Variants in CENPH observed in about 807,000 individuals in gnomAD.
CENPH encodes the protein centromere protein H.
A neutral mutation model predicts 42.9 loss-of-function variants in CENPH; 40 were observed. The ratio of observed to expected loss-of-function variants is 0.93; its 90% CI spans 0.72 to 1.21. The LOEUF (loss-of-function observed/expected upper bound fraction) is 1.21, where lower values mean the gene tolerates loss of function less well. Among genes scored for constraint, CENPH ranks in the 50% most tolerant of loss-of-function variants. The probability of loss-of-function intolerance (pLI) is 0.00; values close to 1 mark genes in which losing one functional copy is unlikely to be tolerated. For synonymous variants in CENPH, 88 were observed against 96.5 expected (o/e 0.91, Z 0.52); for missense variants, 302 against 292.9 (o/e 1.03, Z -0.23).
intron 5 of CENPH, among the ~76,000 whole-genome samples, chr5:69,199,929 A>G (rs1176849837): frequency 6.6e-6 from 1 of 152,026 alleles, no homozygotes; most frequent in Non-Finnish European, 1.5e-5. Flanking sequence ...CCTGGCCAAC[A>G]TGGTAAAACC....
intron 3 of CENPH, among the ~76,000 whole-genome samples, chr5:69,194,918 CTTT>C (rs869047885): frequency 2.7e-4 from 37 of 135,994 alleles, no homozygotes; most frequent in Admixed American, 1.3e-3. Flanking sequence ...GACTTTCTTT[CTTT>C]TTTTTTTTTT....
chr5:69,200,418 C>G (rs989176942), intron 5 of CENPH, among the ~76,000 whole-genome samples: 6 of 152,192 alleles, frequency 3.9e-5, no homozygotes, highest in African/African-American at 1.4e-4. Flanking sequence ...AGCTTCCTCA[C>G]TCAACTCCCA....
chr5:69,208,002 C>T (rs1269061456), intron 7 of CENPH, 194 bp from the exon 8 acceptor site: 28 of 363,922 alleles, frequency 7.7e-5, no homozygotes, highest in Admixed American at 5.3e-4. Context: ...TTGCTAAGTA[C>T]GAAATTAAAA....
chr5:69,202,440 G>A lies in CENPH; in HGVS notation c.372-66G>A, dbSNP rs112993126. ...TTCACTCATTGATTCCTTCATTAAT[G>A]ACAGCTATTATTTTTAATTAAGTTA... On this transcript the variant is annotated intron_variant, in intron 5 of 8. Transcript: ENST00000283006. 9.0e-6 allele frequency: 8 copies of A among 884,716 alleles called. No homozygotes were observed. The Admixed American group carries it at 1.3e-4, about 14-fold the overall frequency. The allele number at this position is 884,716 out of a possible 1,614,324, so 54.8% of individuals were successfully genotyped here. A position where few individuals can be genotyped will look rare whatever the true frequency, so the allele number is the denominator to read the frequency against.
At position 69,202,971 on chromosome 5, in the gene CENPH, G is replaced by A. The variant is rs541394077; in HGVS notation, c.487+1G>A. On this transcript the variant is annotated splice_donor_variant, in intron 7 of 8. Coordinates refer to ENST00000283006, the MANE Select transcript of CENPH (RefSeq NM_022909.4). LOFTEE classifies it high-confidence loss of function. ...CTTGATATTAGAAAGAAGAGATTGC[G>A]TATGTAGAACACTTTTTTTTTGGCA... The A allele has an allele frequency of 3.9e-5, 61 of 1,581,718 alleles. No individual in the cohort carries two copies. Among genetic ancestry groups the A allele is most frequent in the African/African-American group, 1.5e-4 (11 of 73,900 alleles).
At chr5:69,203,893 G>C (rs1186797154) in intron 7 of CENPH, among the ~76,000 whole-genome samples, 1 of 149,664 alleles carries the variant, frequency 6.7e-6, no homozygotes, top group African/African-American at 2.5e-5. Context: ...CAAAAGTCAT[G>C]CCTCTTTTCT....
intron 6 of CENPH, 24 bp downstream of exon 6, chr5:69,202,593 T>A: frequency 1.5e-6 from 2 of 1,321,240 alleles, no homozygotes; most frequent in Non-Finnish European, 2.2e-6. Flanking sequence ...TTAGGCTGAT[T>A]ATGCATTCTC....
intron 5 of CENPH, among the ~76,000 whole-genome samples, chr5:69,200,832 G>C (rs1412295802): frequency 7.5e-6 from 1 of 133,824 alleles, no homozygotes; most frequent in African/African-American, 2.9e-5. Context: ...TCTGCCTCCA[G>C]GTTCAAGCGA....
intron 7 of CENPH, among the ~76,000 whole-genome samples, chr5:69,204,549 A>G (rs1233173870): frequency 6.7e-6 from 1 of 149,326 alleles, no homozygotes; most frequent in Non-Finnish European, 1.5e-5. Context: ...TTGGACTCCC[A>G]AAAGTGCTAG....
chr5:69,206,557 C>T (rs1432029970), intron 7 of CENPH, among the ~76,000 whole-genome samples: 11 of 152,000 alleles, frequency 7.2e-5, no homozygotes, highest in Admixed American at 3.3e-4. Context: ...GGCGTGATCT[C>T]GGCTCACTAC....
chr5:69,205,764 A>AG (rs1748146233), intron 7 of CENPH, among the ~76,000 whole-genome samples: 1 of 124,334 alleles, frequency 8.0e-6, no homozygotes, highest in African/African-American at 3.2e-5. Flanking sequence ...GCTGGAGTGC[A>AG]GTGGCACTAT....
chr5:69,192,788 C>A (rs1747897603), intron 2 of CENPH, among the ~76,000 whole-genome samples: 1 of 152,066 alleles, frequency 6.6e-6, no homozygotes, highest in Non-Finnish European at 1.5e-5. Flanking sequence ...AGTATTGATT[C>A]TTTTACCATT....
At position 69,189,646 on chromosome 5, in the gene CENPH, G is replaced by GC. The variant is rs1312784532; in HGVS notation, c.16dup (p.Gln6ProfsTer53). 75 of 1,601,772 alleles carry GC rather than the reference G, an allele frequency of 4.7e-5. No homozygotes were observed. The highest frequency in any genetic ancestry group is 6.3e-5 in the Non-Finnish European group (74 of 1,176,394). ...CCCCTCAACCAGCAATGGAGGAGCA[G>GC]CCCCAGATGCAAGACGCCGACGAGC... On this transcript the variant is annotated frameshift_variant, in exon 1 of 9. Transcript: ENST00000283006. LOFTEE classifies it high-confidence loss of function.
chr5:69,190,396 T>C (rs1168704308), intron 1 of CENPH, among the ~76,000 whole-genome samples: 1 of 152,178 alleles, frequency 6.6e-6, no homozygotes, highest in Non-Finnish European at 1.5e-5. Context: ...ACGTGAACTC[T>C]ATTAGAAATT....
At chr5:69,196,135 T>C (rs897677247) in intron 4 of CENPH, among the ~76,000 whole-genome samples, 4 of 151,982 alleles carry the variant, frequency 2.6e-5, no homozygotes, top group Non-Finnish European at 5.9e-5. Flanking sequence ...AGATGGGGTC[T>C]CACTGTGCCC....
intron 5 of CENPH, among the ~76,000 whole-genome samples, chr5:69,198,490 A>G (rs1455197587): frequency 6.6e-6 from 1 of 152,028 alleles, no homozygotes; most frequent in East Asian, 1.9e-4. Flanking sequence ...GGGTTTCACT[A>G]TGTTGGCCAG....
In CENPH at chr5:69,209,866, G is replaced by A; in HGVS notation, c.*67G>A. 1 of 874,072 alleles carries A rather than the reference G, an allele frequency of 1.1e-6. No individual in the cohort carries two copies. Among genetic ancestry groups the A allele is most frequent in the Non-Finnish European group, 1.9e-6 (1 of 527,770 alleles). 54.1% of individuals were successfully genotyped at this position (874,072 alleles called of 1,614,324 possible). On this transcript the variant is annotated 3_prime_UTR_variant, in exon 9 of 9. Coordinates refer to ENST00000283006, the MANE Select transcript of CENPH (RefSeq NM_022909.4). Reference sequence around the variant, plus strand: ...CAACTCTTATTTGGAATACTTCTGTGCATTTGTCTGTCCACCGTAATTTTA... The same window carrying A: ...CAACTCTTATTTGGAATACTTCTGTACATTTGTCTGTCCACCGTAATTTTA...
Position 69,209,058 on chromosome 5 carries a change from G to T in CENPH, c.652-649G>T, listed in dbSNP as rs1380221132. Among the ~76,000 whole-genome samples, 4 of 152,162 alleles carry T rather than the reference G, an allele frequency of 2.6e-5. No individual in the cohort carries two copies. In the East Asian group the frequency reaches 7.7e-4, roughly 29 times the overall value. ...GATCCACCTGCCTCAGCCTCCCAAA[G>T]TGCCGGGATTACAGGCTTGAGCCAC... On this transcript the variant is annotated intron_variant, in intron 8 of 8. Transcript: ENST00000283006.
At position 69,210,280 on chromosome 5, in the gene CENPH, T is replaced by TA. The variant is rs1177360214; in HGVS notation, c.*483dup. On this transcript the variant is annotated 3_prime_UTR_variant, in exon 9 of 9. Transcript: ENST00000283006. ...TACCGAAGTGCTAGGATTACAGACGTAAGCCACCGAGCCTGGTCTAGTTTG... is the reference window on the plus strand; with the variant it reads ...TACCGAAGTGCTAGGATTACAGACGTAAAGCCACCGAGCCTGGTCTAGTTTG... 6.6e-6 allele frequency: 1 copy of TA among 152,236 alleles called. No homozygotes were observed. Among genetic ancestry groups the TA allele is most frequent in the Non-Finnish European group, 1.5e-5 (1 of 68,048 alleles). The allele number at this position is 152,236 out of a possible 1,614,324, so 9.4% of individuals were successfully genotyped here.
Sources: allele counts gnomAD v4.1 joint callset (sites outside exome capture counted in the v4.1 genomes callset), GRCh38; gene constraint gnomAD v4.1.1; transcripts MANE v1.5; gene names NCBI Gene and HGNC (gene_info 2026-07-23, HGNC 2026-07-21).